TM6SF1: variants seen among roughly 807,000 people sequenced by gnomAD.
TM6SF1 encodes transmembrane 6 superfamily member 1.
Under a neutral mutation model 47.1 loss-of-function variants are expected in TM6SF1, and 43 were observed. That is an observed-to-expected ratio of 0.91 (90% CI 0.72 to 1.18). TM6SF1 has a LOEUF of 1.18. Among genes scored for constraint, TM6SF1 ranks in the 50% most tolerant of loss-of-function variants. TM6SF1 has a pLI of 0.00. For missense variants in TM6SF1, 390 were observed against 449.0 expected, an observed-to-expected ratio of 0.87 and a Z score of 1.19; for synonymous variants, 177 against 166.3, an observed-to-expected ratio of 1.06 and a Z score of -0.49.
chr15:83,110,120 A>G (rs2034013232), intron 1 of TM6SF1, among the ~76,000 whole-genome samples: 1 of 152,106 alleles, frequency 6.6e-6, no homozygotes, highest in Non-Finnish European at 1.5e-5. Flanking sequence ...CAAACCTTTT[A>G]TGCAACTCTG....
intron 8 of TM6SF1, among the ~76,000 whole-genome samples, 173 bp downstream of exon 8, chr15:83,127,020 A>G (rs531189728): frequency 6.6e-6 from 1 of 152,216 alleles, no homozygotes; most frequent in South Asian, 2.1e-4. Flanking sequence ...GTGAAACCCC[A>G]TCTCTACTGA....
At chr15:83,127,511 G>A (rs2035876288) in intron 9 of TM6SF1, 34 bp downstream of exon 9, 1 of 1,609,028 alleles carries the variant, frequency 6.2e-7, no homozygotes, top group Non-Finnish European at 8.5e-7. Flanking sequence ...AGGTTTACTT[G>A]TGGTCTAGGT....
At position 83,137,164 on chromosome 15, in the gene TM6SF1, TC is replaced by T. The variant is rs2036662323; in HGVS notation, c.*495del. ...TTTAAATGTTGTTTGAAAAATGTTT[TC>T]CCAAGGAAAGTTTATTATTTGCTGC... On this transcript the variant is annotated 3_prime_UTR_variant, in exon 10 of 10. Transcript: ENST00000322019. 6.6e-6 allele frequency: 1 copy of T among 152,218 alleles called. No homozygotes were observed. 9.4% of individuals were successfully genotyped at this position (152,218 alleles called of 1,614,324 possible). A position where few individuals can be genotyped will look rare whatever the true frequency, so the allele number is the denominator to read the frequency against.
At chr15:83,129,341 T>C (rs1291910147) in intron 9 of TM6SF1, 1 of 152,228 alleles carries the variant, frequency 6.6e-6, no homozygotes, top group African/African-American at 2.4e-5. Context: ...ATTTTAATTC[T>C]TTTTTATGCA....
In TM6SF1 at chr15:83,134,982, A is replaced by C. The variant is rs1239100493; in HGVS notation, c.922-1499A>C. The C allele has an allele frequency of 5.3e-5, 8 of 152,160 alleles. No homozygotes were observed. The East Asian group carries it at 1.5e-3, about 29-fold the overall frequency. The allele number at this position is 152,160 out of a possible 1,614,324, so 9.4% of individuals were successfully genotyped here. A position where few individuals can be genotyped will look rare whatever the true frequency, so the allele number is the denominator to read the frequency against. On this transcript the variant is annotated intron_variant, in intron 9 of 9. Coordinates refer to ENST00000322019, the MANE Select transcript of TM6SF1 (RefSeq NM_023003.5). ...CCTCAGAGCCCAGAGATGCATATAC[A>C]TTTGCTGGGTTCTGCCTGGGCATCT...
intron 6 of TM6SF1, among the ~76,000 whole-genome samples, chr15:83,123,664 G>A (rs2035470273): frequency 6.6e-6 from 1 of 152,058 alleles, no homozygotes; most frequent in Admixed American, 6.5e-5. Context: ...GTAAACTCAG[G>A]CTGGCACACT....
Position 83,127,131 on chromosome 15 carries a change from T to C in TM6SF1, c.802-227T>C, listed in dbSNP as rs140128272. Among the ~76,000 whole-genome samples, 1,054 of 151,362 alleles carry C rather than the reference T, an allele frequency of 7.0e-3. 20 individuals carry two copies. The highest frequency in any genetic ancestry group is 0.025 in the African/African-American group (1,026 of 41,158). Reference sequence around the variant, plus strand: ...ATTGCTTGAACCCGGGAGGTGGAGGTTGCAGTGAGCCGAGATTGCGCCACT... The same window carrying C: ...ATTGCTTGAACCCGGGAGGTGGAGGCTGCAGTGAGCCGAGATTGCGCCACT... On this transcript the variant is annotated intron_variant, in intron 8 of 9. Coordinates refer to ENST00000322019, the MANE Select transcript of TM6SF1 (RefSeq NM_023003.5).
In TM6SF1 at chr15:83,112,963, T is replaced by G. The variant is rs2034325133; in HGVS notation, c.196+63T>G. On this transcript the variant is annotated intron_variant, in intron 2 of 9. Coordinates refer to ENST00000322019, the MANE Select transcript of TM6SF1 (RefSeq NM_023003.5). ...AATAACACAATACTTTCAGCCTCAG[T>G]CACATATTCCTCCTTGGTTGTGAAT... The G allele has an allele frequency of 3.8e-6, 5 of 1,328,532 alleles. No individual in the cohort carries two copies. The Admixed American group carries it at 8.4e-5, about 22-fold the overall frequency. The allele number at this position is 1,328,532 out of a possible 1,614,324, so 82.3% of individuals were successfully genotyped here. A position where few individuals can be genotyped will look rare whatever the true frequency, so the allele number is the denominator to read the frequency against.
chr15:83,127,220 T>TAA (rs59121495), intron 8 of TM6SF1, 138 bp from the exon 9 acceptor site: 423 of 648,568 alleles, frequency 6.5e-4, no homozygotes, highest in East Asian at 1.2e-3. Flanking sequence ...AAAATAAAAG[T>TAA]AAAAAAAAAA....
chr15:83,107,788 C>G lies in TM6SF1; in HGVS notation c.92+16C>G. 6.4e-7 allele frequency: 1 copy of G among 1,568,340 alleles called. No homozygotes were observed. Among genetic ancestry groups the G allele is most frequent in the Non-Finnish European group, 8.6e-7 (1 of 1,159,710 alleles). On this transcript the variant is annotated intron_variant, in intron 1 of 9. Transcript: ENST00000322019. This position sits in a 1 kb window ranked among gnomAD's most constrained non-coding sequence, Gnocchi z 5.6. Reference sequence around the variant, plus strand: ...CCCAGCATGAGTGAGTGAGCCGGCGCGGCGGGGGTCGCGCCGAGGGGCGGC... The same window carrying G: ...CCCAGCATGAGTGAGTGAGCCGGCGGGGCGGGGGTCGCGCCGAGGGGCGGC...
chr15:83,123,152 G>T (rs766020199), intron 6 of TM6SF1, among the ~76,000 whole-genome samples: 3 of 152,194 alleles, frequency 2.0e-5, no homozygotes, highest in Non-Finnish European at 2.9e-5. Flanking sequence ...ATCAGATTCT[G>T]CATTAGTGTG....
intron 2 of TM6SF1, chr15:83,114,400 T>A (rs2034466955): frequency 6.6e-6 from 1 of 152,282 alleles, no homozygotes; most frequent in African/African-American, 2.4e-5. Context: ...TCATCAGCAA[T>A]CATTGGCAGA....
At chr15:83,122,228 T>A (rs1341357664) in intron 5 of TM6SF1, among the ~76,000 whole-genome samples, 2 of 152,198 alleles carry the variant, frequency 1.3e-5, no homozygotes, top group African/African-American at 4.8e-5. Context: ...AGTCAAGTTA[T>A]CAGGGATTCC....
intron 2 of TM6SF1, 59 bp from the exon 3 acceptor site, chr15:83,115,786 G>A: frequency 8.9e-7 from 1 of 1,121,312 alleles, no homozygotes; most frequent in Non-Finnish European, 1.4e-6. Context: ...CTGATGCCAA[G>A]CTTGTAGTAA....
At chr15:83,127,501 A>G (rs1286689335) in intron 9 of TM6SF1, 24 bp downstream of exon 9, 14 of 1,611,824 alleles carry the variant, frequency 8.7e-6, no homozygotes, top group Non-Finnish European at 1.2e-5. Flanking sequence ...TCTGTTGAGA[A>G]GGTTTACTTG....
chr15:83,127,679 C>A, intron 9 of TM6SF1: 1 of 494,616 alleles, frequency 2.0e-6, no homozygotes, highest in Admixed American at 3.9e-5. Context: ...GATGTGCCAT[C>A]CAGTTACACA....
At chr15:83,109,021 G>A (rs1377353420) in intron 1 of TM6SF1, among the ~76,000 whole-genome samples, 4 of 152,262 alleles carry the variant, frequency 2.6e-5, no homozygotes, top group African/African-American at 9.6e-5. Flanking sequence ...TATACTGAGT[G>A]CCTACTGTGT....
chr15:83,124,644 T>G (rs1371677921), intron 6 of TM6SF1, 28 bp from the exon 7 acceptor site: 3 of 1,584,288 alleles, frequency 1.9e-6, no homozygotes, highest in Non-Finnish European at 2.6e-6. Context: ...ACTTTGGGCC[T>G]GCTCTTTAGG....
chr15:83,110,061 G>A (rs751355924), intron 1 of TM6SF1, among the ~76,000 whole-genome samples: 2 of 152,150 alleles, frequency 1.3e-5, no homozygotes, highest in East Asian at 3.8e-4. Flanking sequence ...CGTGTGCATC[G>A]TAGGCACTCA....
Sources: gnomAD v4.1 joint callset for allele counts (sites outside exome capture counted in the v4.1 genomes callset) on GRCh38, gnomAD v4.1.1 for gene constraint, Gnocchi (gnomAD v3.1) non-coding constraint, MANE v1.5 for transcripts, NCBI Gene and HGNC (gene_info 2026-07-23, HGNC 2026-07-21) for gene names.